ANKRD30B: variants seen among roughly 807,000 people sequenced by gnomAD.
ANKRD30B encodes ankyrin repeat domain-containing protein 30B.
A neutral mutation model predicts 202.2 loss-of-function variants in ANKRD30B; 144 were observed. The observed-to-expected ratio is 0.71, with a 90% CI of 0.62 to 0.82. ANKRD30B has a LOEUF of 0.82. Ranked by LOEUF, ANKRD30B falls within the 40% of genes least tolerant of loss-of-function variation. The probability of loss-of-function intolerance (pLI) is 0.00; values close to 1 mark genes in which losing one functional copy is unlikely to be tolerated. For synonymous variants in ANKRD30B, 508 were observed against 561.3 expected (o/e 0.91, Z 1.34); for missense variants, 1,487 against 1,669.1 (o/e 0.89, Z 1.90).
intron 40 of ANKRD30B, among the ~76,000 whole-genome samples, chr18:14,849,258 C>A (rs1376952115): frequency 6.6e-6 from 1 of 151,644 alleles, no homozygotes; most frequent in African/African-American, 2.4e-5. Flanking sequence ...TCTTTTTCTA[C>A]CTTTCTAATT....
intron 16 of ANKRD30B, among the ~76,000 whole-genome samples, chr18:14,792,043 A>G (rs534191564): frequency 6.6e-6 from 1 of 152,316 alleles, no homozygotes; most frequent in Non-Finnish European, 1.5e-5. Flanking sequence ...GCAATAGTTG[A>G]GAATAAGCAT....
At chr18:14,927,012 A>G in the ANKRD30B span, among the ~76,000 whole-genome samples, 1 of 152,194 alleles carries the variant, frequency 6.6e-6, no homozygotes, top group East Asian at 1.9e-4. Context: ...TGGTAGTAGT[A>G]GTTGGTCTAA....
chr18:14,827,332 G>A (rs1173640321), intron 32 of ANKRD30B, among the ~76,000 whole-genome samples: 1 of 152,084 alleles, frequency 6.6e-6, no homozygotes, highest in African/African-American at 2.4e-5. Flanking sequence ...GTATATTTCT[G>A]GAATTCCACA....
Position 14,748,599 on chromosome 18 carries a change from G to T in ANKRD30B, c.180G>T (p.Gly60=). Residue 60 remains glycine, a synonymous_variant, in exon 1 of 44, where the codon GGG becomes GGT. Coordinates refer to ENST00000690538, the MANE Select transcript of ANKRD30B (RefSeq NM_001367607.2). ...QVQKLEKMTV[G]KKPVNLNKRD... ...AGAAGCTGGAGAAGATGACAGTAGG[G>T]AAGAAGCCCGTCAACCTGAACAAAA... 6.4e-7 allele frequency: 1 copy of T among 1,566,684 alleles called. No individual in the cohort carries two copies. Among genetic ancestry groups the T allele is most frequent in the Non-Finnish European group, 8.7e-7 (1 of 1,155,404 alleles).
chr18:14,864,268 G>T, the ANKRD30B span, among the ~76,000 whole-genome samples: 2 of 152,196 alleles, frequency 1.3e-5, no homozygotes, highest in African/African-American at 4.8e-5. Context: ...CGGGGAGGTG[G>T]AGGTGGCAGT....
At chr18:14,787,674 A>C (rs1968174696) in intron 15 of ANKRD30B, among the ~76,000 whole-genome samples, 1 of 152,192 alleles carries the variant, frequency 6.6e-6, no homozygotes, top group Non-Finnish European at 1.5e-5. Flanking sequence ...CTATTGAAAA[A>C]TATAAATTAT....
intron 9 of ANKRD30B, among the ~76,000 whole-genome samples, chr18:14,774,833 A>G (rs1203623916): frequency 1.3e-5 from 2 of 152,222 alleles, no homozygotes; most frequent in East Asian, 1.9e-4. Flanking sequence ...GCTAAAAAAA[A>G]AAAAAATCTA....
At chr18:14,805,490 C>A (rs1969454389) in intron 24 of ANKRD30B, among the ~76,000 whole-genome samples, 2 of 150,272 alleles carry the variant, frequency 1.3e-5, no homozygotes, top group Non-Finnish European at 3.0e-5. Flanking sequence ...ACTATTGTAG[C>A]ATACGGGTAT....
chr18:14,853,138 C>T (rs1293899192), intron 42 of ANKRD30B, among the ~76,000 whole-genome samples: 1 of 151,860 alleles, frequency 6.6e-6, no homozygotes, highest in Non-Finnish European at 1.5e-5. Context: ...AATATTGTTA[C>T]AAATCATTTG....
At chr18:14,756,410 T>G (rs916139328) in intron 4 of ANKRD30B, among the ~76,000 whole-genome samples, 34 of 152,272 alleles carry the variant, frequency 2.2e-4, no homozygotes, top group Middle Eastern at 3.4e-3. Flanking sequence ...TTAGTTTAAT[T>G]AGATCCCATT....
intron 39 of ANKRD30B, among the ~76,000 whole-genome samples, chr18:14,843,709 G>GCGTGAACC (rs1971518571): frequency 6.6e-6 from 1 of 152,086 alleles, no homozygotes; most frequent in Non-Finnish European, 1.5e-5. Flanking sequence ...CAGGAGAATG[G>GCGTGAACC]CGTGAACCCT....
At chr18:14,894,421 C>T in the ANKRD30B span, among the ~76,000 whole-genome samples, 1 of 152,000 alleles carries the variant, frequency 6.6e-6, no homozygotes, top group Non-Finnish European at 1.5e-5. Flanking sequence ...ACACAGAATC[C>T]ATGCCCACCA....
At position 14,797,690 on chromosome 18, in the gene ANKRD30B, G is replaced by A. The variant is rs541593924; in HGVS notation, c.1956+1G>A. 19 of 1,609,136 alleles carry A rather than the reference G, an allele frequency of 1.2e-5. No individual in the cohort carries two copies. In the African/African-American group the frequency reaches 1.7e-4, roughly 15 times the overall value. On this transcript the variant is annotated splice_donor_variant, in intron 19 of 43. Coordinates refer to ENST00000690538, the MANE Select transcript of ANKRD30B (RefSeq NM_001367607.2). LOFTEE classifies it high-confidence loss of function. ...TCCTGATAAAGATGGTCTTCTGAAG[G>A]TAATAGCTTTTATGTCTCTATCTTG...
the ANKRD30B span, among the ~76,000 whole-genome samples, chr18:14,861,738 A>G: frequency 8.5e-5 from 13 of 152,202 alleles, no homozygotes; most frequent in African/African-American, 3.1e-4. Flanking sequence ...TTAGGCAGAA[A>G]ACTAACAATG....
the ANKRD30B span, among the ~76,000 whole-genome samples, chr18:14,911,206 C>A: frequency 1.3e-5 from 2 of 151,910 alleles, no homozygotes; most frequent in South Asian, 2.1e-4. Flanking sequence ...CCAAGGCCAA[C>A]ATCCAAAAGA....
At chr18:14,933,706 A>C in the ANKRD30B span, among the ~76,000 whole-genome samples, 2 of 150,112 alleles carry the variant, frequency 1.3e-5, no homozygotes, top group African/African-American at 5.0e-5. Context: ...GGGGTTAGGG[A>C]CTGGCATTAA....
At position 14,779,999 on chromosome 18, in the gene ANKRD30B, A is replaced by T; in HGVS notation, c.1460A>T (p.Glu487Val). Residue 487 changes from glutamate (E) to valine (V), a missense_variant, in exon 11 of 44, where the codon GAA becomes GTA. By Grantham distance (121) the Glu-to-Val change is moderately radical (BLOSUM62 -2). Coordinates refer to ENST00000690538, the MANE Select transcript of ANKRD30B (RefSeq NM_001367607.2). ...FPSESKREEDEEYSWDSGSLF... is the reference protein window; with the variant it reads ...FPSESKREEDVEYSWDSGSLF... ...TCAGAATCCAAACGAGAGGAAGATG[A>T]AGAATATTCTTGGGATTCTGGGGTA... is the stretch of plus-strand genomic sequence containing the variant. The T allele has an allele frequency of 6.2e-7, 1 of 1,605,828 alleles. No individual in the cohort carries two copies. Among genetic ancestry groups the T allele is most frequent in the South Asian group, 1.1e-5 (1 of 89,710 alleles).
intron 34 of ANKRD30B, among the ~76,000 whole-genome samples, chr18:14,835,572 C>T (rs962522699): frequency 2.0e-5 from 3 of 151,536 alleles, no homozygotes; most frequent in African/African-American, 4.8e-5. Context: ...CTTCACTTCT[C>T]CTATGAATAC....
chr18:14,840,593 C>A lies in ANKRD30B; in HGVS notation c.2994C>A (p.Ile998=). ...DTKSTSDSEI[I]SVSDTQNYEC... ...ATTAATATTATCTTTAACAGATTAT[C>A]TCTGTGAGTGATACACAGAATTATG... is the stretch of plus-strand genomic sequence containing the variant. The change falls in exon 37 of 44, where the codon ATC becomes ATA. Residue 998 remains isoleucine, a synonymous_variant. Coordinates refer to ENST00000690538, the MANE Select transcript of ANKRD30B (RefSeq NM_001367607.2). The A allele has an allele frequency of 7.0e-7, 1 of 1,425,546 alleles. No individual in the cohort carries two copies. The highest frequency in any genetic ancestry group is 1.4e-5 in the South Asian group (1 of 70,534). The allele number at this position is 1,425,546 out of a possible 1,614,324, so 88.3% of individuals were successfully genotyped here.
Sources: allele counts gnomAD v4.1 joint callset (sites outside exome capture counted in the v4.1 genomes callset), GRCh38; gene constraint gnomAD v4.1.1; transcripts MANE v1.5; gene names NCBI Gene and HGNC (gene_info 2026-07-23, HGNC 2026-07-21).